VPS54: variants seen among roughly 807,000 people sequenced by gnomAD.
VPS54 encodes the protein VPS54 subunit of GARP complex, also known as vacuolar protein sorting-associated protein 54.
A neutral mutation model predicts 121.5 loss-of-function variants in VPS54; 45 were observed. The observed-to-expected ratio is 0.37, with a 90% CI of 0.29 to 0.47. The LOEUF (loss-of-function observed/expected upper bound fraction) is 0.47. Among genes scored for constraint, VPS54 ranks in the 20% least tolerant of loss-of-function variants. The pLI is 0.99. For synonymous variants in VPS54, 371 were observed against 385.8 expected (o/e 0.96, Z 0.45); for missense variants, 1,090 against 1,131.4 (o/e 0.96, Z 0.52).
intron 3 of VPS54, among the ~76,000 whole-genome samples, chr2:63,976,284 G>A (rs1306397325): frequency 1.3e-5 from 2 of 148,968 alleles, no homozygotes; most frequent in Non-Finnish European, 3.0e-5. Context: ...CCGGGAGGTT[G>A]AGGCTGCAGT....
At chr2:63,998,246 G>C (rs547304988) in intron 1 of VPS54, among the ~76,000 whole-genome samples, 6 of 152,122 alleles carry the variant, frequency 3.9e-5, no homozygotes, top group Non-Finnish European at 8.8e-5. Context: ...TATTTTGTCT[G>C]ATAACTACTA....
At position 63,893,111 on chromosome 2, in the gene VPS54, T is replaced by G; in HGVS notation, c.*319A>C. ...TTTTTAATATAAAGTATACAGAGCA[T>G]TCTAGTCAACTACAGCTGTGTTACA... On this transcript the variant is annotated 3_prime_UTR_variant, in exon 23 of 23. Coordinates refer to ENST00000272322, the MANE Select transcript of VPS54 (RefSeq NM_016516.3). The G allele has an allele frequency of 2.6e-6, 1 of 384,860 alleles. No individual in the cohort carries two copies. The highest frequency in any genetic ancestry group is 4.9e-6 in the Non-Finnish European group (1 of 204,578). The allele number at this position is 384,860 out of a possible 1,614,324, so 23.8% of individuals were successfully genotyped here.
intron 10 of VPS54, 91 bp downstream of exon 10, chr2:63,944,509 T>C: frequency 4.7e-6 from 6 of 1,273,610 alleles, no homozygotes; most frequent in Non-Finnish European, 6.7e-6. Flanking sequence ...TAGTAAATAA[T>C]TCCTTAACGA....
At position 63,908,658 on chromosome 2, in the gene VPS54, C is replaced by A. The variant is rs1575892296; in HGVS notation, c.2625+3687G>T. On this transcript the variant is annotated intron_variant, in intron 20 of 22. Transcript: ENST00000272322. ...ATGTGTGCCCACTCTGATGCATTAG[C>A]CAAATGGAACTATTACCTTTATTAT... Among the ~76,000 whole-genome samples the A allele has an allele frequency of 2.0e-5, 3 of 152,272 alleles. No homozygotes were observed. In the East Asian group the frequency reaches 5.8e-4, roughly 29 times the overall value.
intron 4 of VPS54, among the ~76,000 whole-genome samples, chr2:63,970,768 T>C (rs1233233370): frequency 6.6e-6 from 1 of 152,212 alleles, no homozygotes; most frequent in Non-Finnish European, 1.5e-5. Flanking sequence ...TATCTCATCT[T>C]CTGTCTGCCC....
At chr2:63,995,582 T>C (rs553237817) in intron 1 of VPS54, among the ~76,000 whole-genome samples, 3 of 152,364 alleles carry the variant, frequency 2.0e-5, no homozygotes, top group African/African-American at 7.2e-5. Context: ...CAGCTCATTT[T>C]GTTAATGACT....
intron 7 of VPS54, among the ~76,000 whole-genome samples, chr2:63,953,225 A>G (rs1675339050): frequency 1.4e-5 from 2 of 146,534 alleles, no homozygotes; most frequent in African/African-American, 5.1e-5. Context: ...TCCACCTCCC[A>G]GGTTCAAGCA....
Position 63,944,621 on chromosome 2 carries a change from ATTTC to A in VPS54, c.1276_1279del (p.Glu426Ter). The A allele has an allele frequency of 6.2e-7, 1 of 1,610,554 alleles. No homozygotes were observed. The highest frequency in any genetic ancestry group is 1.7e-4 in the Middle Eastern group (1 of 6,040). ...TTACTTCACAACAACATCTGTGTCTATTTCTTCTGTTTGTGAAACTTTATTAATC... is the reference window on the plus strand; with the variant it reads ...TTACTTCACAACAACATCTGTGTCTATTCTGTTTGTGAAACTTTATTAATC... On this transcript the variant is annotated frameshift_variant, in exon 10 of 23. Transcript: ENST00000272322. LOFTEE classifies it high-confidence loss of function.
intron 22 of VPS54, among the ~76,000 whole-genome samples, chr2:63,893,851 CTAAAA>C (rs1217957387): frequency 3.3e-5 from 5 of 152,118 alleles, no homozygotes; most frequent in Non-Finnish European, 7.4e-5. Context: ...ACAGGCTAAA[CTAAAA>C]TGTTTTTGAT....
chr2:63,922,413 G>T (rs13417329), intron 12 of VPS54, among the ~76,000 whole-genome samples: 1 of 152,116 alleles, frequency 6.6e-6, no homozygotes, highest in Non-Finnish European at 1.5e-5. Flanking sequence ...ATTCTAATTG[G>T]TTATGGTATT....
Position 63,921,052 on chromosome 2 carries a change from C to T in VPS54, c.1869+154G>A, listed in dbSNP as rs4485549. On this transcript the variant is annotated intron_variant, in intron 13 of 22. Transcript: ENST00000272322. ...TATTTTAGATTACTTCATATCTCAACATCTCCCTAGTAGACCACATCAGTG... is the reference window on the plus strand; with the variant it reads ...TATTTTAGATTACTTCATATCTCAATATCTCCCTAGTAGACCACATCAGTG... Among the ~76,000 whole-genome samples, 407 of 152,278 alleles carry T rather than the reference C, an allele frequency of 2.7e-3. 4 individuals carry two copies. Among genetic ancestry groups the T allele is most frequent in the African/African-American group, 9.3e-3 (386 of 41,560 alleles).
chr2:63,914,127 C>G, intron 17 of VPS54, 55 bp downstream of exon 17: 1 of 1,344,426 alleles, frequency 7.4e-7, no homozygotes, highest in Non-Finnish European at 1.1e-6. Flanking sequence ...TAGTCACACC[C>G]TAATGTATTA....
intron 5 of VPS54, among the ~76,000 whole-genome samples, chr2:63,967,777 G>A (rs890679060): frequency 3.4e-5 from 5 of 146,702 alleles, no homozygotes; most frequent in African/African-American, 1.3e-4. Context: ...AGGGGTAGCA[G>A]AGGGATGAGG....
chr2:63,972,464 CTCATA>C (rs1467092203), intron 3 of VPS54, among the ~76,000 whole-genome samples: 5 of 152,120 alleles, frequency 3.3e-5, no homozygotes, highest in Non-Finnish European at 7.3e-5. Flanking sequence ...TCCATTCCAT[CTCATA>C]TAATTATAGT....
At chr2:63,942,041 A>T (rs1674762812) in intron 11 of VPS54, among the ~76,000 whole-genome samples, 1 of 151,714 alleles carries the variant, frequency 6.6e-6, no homozygotes, top group Non-Finnish European at 1.5e-5. Flanking sequence ...CAAAAAAAAA[A>T]AAAAAAAAAG....
At chr2:63,986,954 T>C (rs970495249) in intron 1 of VPS54, among the ~76,000 whole-genome samples, 2 of 152,226 alleles carry the variant, frequency 1.3e-5, no homozygotes, top group African/African-American at 4.8e-5. Context: ...GAGCTCCCTA[T>C]ATATTCTTGT....
At chr2:63,935,574 C>A (rs896633854) in intron 11 of VPS54, among the ~76,000 whole-genome samples, 1 of 152,122 alleles carries the variant, frequency 6.6e-6, no homozygotes, top group Non-Finnish European at 1.5e-5. Flanking sequence ...ACCTATCCAA[C>A]ATCTATTCTA....
chr2:63,933,184 A>G (rs1340067531), intron 12 of VPS54, among the ~76,000 whole-genome samples: 1 of 141,444 alleles, frequency 7.1e-6, no homozygotes, highest in African/African-American at 2.5e-5. Flanking sequence ...TTTCAAAATA[A>G]GAAGTTTTTA....
rs1676916878 is a variant in VPS54 at position 63,983,868 on chromosome 2, G to T, written c.132C>A (p.Pro44=). 2 of 1,593,478 alleles carry T rather than the reference G, an allele frequency of 1.3e-6. No homozygotes were observed. Among genetic ancestry groups the T allele is most frequent in the African/African-American group, 1.4e-5 (1 of 73,900 alleles). ...PSLPDVCPKE[P]TGDSHSLYVA... is the part of the protein sequence containing the mutation. ...TACAAAAAAAAAAAGCATTACCTGT[G>T]GGTTCCTTGGGACACACATCTGGCA... The change falls in exon 2 of 23, where the codon CCC becomes CCA. Residue 44 remains proline, a synonymous_variant. Coordinates refer to ENST00000272322, the MANE Select transcript of VPS54 (RefSeq NM_016516.3).
Sources: gnomAD v4.1 joint callset for allele counts (sites outside exome capture counted in the v4.1 genomes callset) on GRCh38, gnomAD v4.1.1 for gene constraint, MANE v1.5 for transcripts, NCBI Gene and HGNC (gene_info 2026-07-23, HGNC 2026-07-21) for gene names.